DCDC2C: variants seen among roughly 807,000 people sequenced by gnomAD.
DCDC2C encodes doublecortin domain containing 2C, also known as doublecortin domain-containing protein 2C.
Under a neutral mutation model 45.0 loss-of-function variants are expected in DCDC2C, and 44 were observed. That is an observed-to-expected ratio of 0.98 (90% CI 0.77 to 1.26). The LOEUF (loss-of-function observed/expected upper bound fraction) is 1.26, where lower values mean the gene tolerates loss of function less well. Among genes scored for constraint, DCDC2C ranks in the 50% most tolerant of loss-of-function variants. The probability of loss-of-function intolerance (pLI) is 0.00; values close to 1 mark genes in which losing one functional copy is unlikely to be tolerated. For missense variants in DCDC2C, 447 were observed against 468.9 expected, an observed-to-expected ratio of 0.95 and a Z score of 0.43; for synonymous variants, 187 against 178.8, an observed-to-expected ratio of 1.05 and a Z score of -0.37.
chr2:3,708,999 G>A (rs1275755207), intron 2 of DCDC2C, among the ~76,000 whole-genome samples: 5 of 152,184 alleles, frequency 3.3e-5, no homozygotes, highest in Non-Finnish European at 5.9e-5. Flanking sequence ...ATTTTTGTAC[G>A]TGATAGACAT....
Position 3,806,271 on chromosome 2 carries a change from G to C in DCDC2C, c.1065+21171G>C, listed in dbSNP as rs566086447. 2.6e-5 allele frequency among the ~76,000 whole-genome samples: 4 copies of C among 152,350 alleles called. No homozygotes were observed. The East Asian group carries it at 5.8e-4, about 22-fold the overall frequency. On this transcript the variant is annotated intron_variant, in intron 10 of 10. Transcript: ENST00000399143. ...TTTTGTCTTGTTCTAAACGGCTCCAGCCTGCTGTGCTTTCTGCAGTGTTTT... is the reference window on the plus strand; with the variant it reads ...TTTTGTCTTGTTCTAAACGGCTCCACCCTGCTGTGCTTTCTGCAGTGTTTT...
intron 10 of DCDC2C, among the ~76,000 whole-genome samples, chr2:3,803,508 A>T (rs965014655): frequency 1.3e-5 from 2 of 152,164 alleles, no homozygotes; most frequent in African/African-American, 4.8e-5. Flanking sequence ...TCTGTTTCCA[A>T]ATGCTATTTC....
chr2:3,728,738 C>T (rs191224168), intron 3 of DCDC2C, among the ~76,000 whole-genome samples: 35 of 152,248 alleles, frequency 2.3e-4, no homozygotes, highest in Middle Eastern at 3.4e-3. Context: ...GTAGTTATGA[C>T]GGCTTTCAGA....
intron 10 of DCDC2C, among the ~76,000 whole-genome samples, chr2:3,821,161 T>A (rs1030826883): frequency 6.6e-6 from 1 of 152,110 alleles, no homozygotes; most frequent in Non-Finnish European, 1.5e-5. Flanking sequence ...GGTCACAAGG[T>A]GCTCAGTGGG....
chr2:3,837,880 A>T (rs1309327479), intron 10 of DCDC2C, among the ~76,000 whole-genome samples: 1 of 152,088 alleles, frequency 6.6e-6, no homozygotes, highest in Non-Finnish European at 1.5e-5. Flanking sequence ...AGGGCAGAGG[A>T]TGCGGACACA....
chr2:3,824,086 C>T (rs1022908255), intron 10 of DCDC2C, among the ~76,000 whole-genome samples: 22 of 152,322 alleles, frequency 1.4e-4, no homozygotes, highest in East Asian at 7.7e-4. Flanking sequence ...TGCTCACTCC[C>T]GGTCTGAAGT....
intron 10 of DCDC2C, chr2:3,844,761 T>G (rs1348513482): frequency 6.6e-6 from 1 of 152,188 alleles, no homozygotes; most frequent in Admixed American, 6.5e-5. Flanking sequence ...TCCCTAACTG[T>G]GCAAGTCTGG....
At chr2:3,777,362 T>C (rs1220320426) in intron 8 of DCDC2C, among the ~76,000 whole-genome samples, 1 of 152,238 alleles carries the variant, frequency 6.6e-6, no homozygotes, top group Non-Finnish European at 1.5e-5. Context: ...AATATCTGTC[T>C]TCCCTATAAG....
chr2:3,834,453 G>A (rs1385711202), intron 10 of DCDC2C, among the ~76,000 whole-genome samples: 1 of 152,208 alleles, frequency 6.6e-6, no homozygotes, highest in Non-Finnish European at 1.5e-5. Flanking sequence ...GAATCATACA[G>A]TGTGTACCTT....
At position 3,727,003 on chromosome 2, in the gene DCDC2C, A is replaced by G; in HGVS notation, c.340A>G (p.Ile114Val). 1 of 1,550,306 alleles carries G rather than the reference A, an allele frequency of 6.5e-7. No homozygotes were observed. Among genetic ancestry groups the G allele is most frequent in the Non-Finnish European group, 8.7e-7 (1 of 1,146,864 alleles). ...CCAGGTGTGTTTTTTCCTTTTTCAG[A>G]TCAAACCAGTGGTGCATTGTGATAT... ...KPAKIRKLKE[I>V]KPVVHCDINV... Residue 114 changes from isoleucine to valine, a missense_variant and splice_region_variant, in exon 3 of 11, where the codon ATC becomes GTC. By Grantham distance (29) the Ile-to-Val change is conservative (BLOSUM62 3). Coordinates refer to ENST00000399143, the MANE Select transcript of DCDC2C (RefSeq NM_001287444.2).
chr2:3,738,539 GGAAAAAAAAAA>G lies in DCDC2C; in HGVS notation c.417-3380_417-3370del, dbSNP rs1169857651. On this transcript the variant is annotated intron_variant, in intron 3 of 10. Transcript: ENST00000399143. ...TACATTTTTTCTGCTGGTCTATCTGGGAAAAAAAAAAAAAAAAAAAAAAAAAAAAAAGCCTC... is the reference window on the plus strand; with the variant it reads ...TACATTTTTTCTGCTGGTCTATCTGGAAAAAAAAAAAAAAAAAAAAGCCTC... Among the ~76,000 whole-genome samples, 7 of 55,256 alleles carry G rather than the reference GGAAAAAAAAAA, an allele frequency of 1.3e-4. No individual in the cohort carries two copies. In the South Asian group the frequency reaches 3.3e-3, roughly 26 times the overall value. 36.3% of individuals were successfully genotyped at this position (55,256 alleles called of 152,430 possible). A position where few individuals can be genotyped will look rare whatever the true frequency, so the allele number is the denominator to read the frequency against.
At chr2:3,774,369 C>T (rs938581727) in intron 8 of DCDC2C, among the ~76,000 whole-genome samples, 3 of 152,262 alleles carry the variant, frequency 2.0e-5, no homozygotes, top group Non-Finnish European at 4.4e-5. Flanking sequence ...AACAGAAGGA[C>T]TCGAGCCTTC....
At chr2:3,756,527 G>A (rs1383283537) in intron 6 of DCDC2C, among the ~76,000 whole-genome samples, 1 of 152,114 alleles carries the variant, frequency 6.6e-6, no homozygotes, top group African/African-American at 2.4e-5. Context: ...TTTCTCACCT[G>A]CGAGCCACTG....
chr2:3,845,238 C>T (rs1672300183), intron 10 of DCDC2C, among the ~76,000 whole-genome samples: 1 of 152,172 alleles, frequency 6.6e-6, no homozygotes. Context: ...CCGTGCTGGA[C>T]ACACAAAAGG....
At chr2:3,804,795 A>G (rs1400723984) in intron 10 of DCDC2C, among the ~76,000 whole-genome samples, 1 of 152,210 alleles carries the variant, frequency 6.6e-6, no homozygotes, top group Non-Finnish European at 1.5e-5. Context: ...TACAGTGAAC[A>G]CTTTACTGTG....
chr2:3,737,646 C>A (rs745584058), intron 3 of DCDC2C, among the ~76,000 whole-genome samples: 5 of 151,932 alleles, frequency 3.3e-5, no homozygotes, highest in Non-Finnish European at 7.4e-5. Context: ...AACCCCTTAC[C>A]CTCTCAGAGG....
chr2:3,747,805 C>G (rs1192615981), intron 4 of DCDC2C, among the ~76,000 whole-genome samples: 4 of 152,212 alleles, frequency 2.6e-5, no homozygotes, highest in Non-Finnish European at 5.9e-5. Flanking sequence ...CAGACACTGT[C>G]TAGTGGAGAG....
chr2:3,806,792 C>G (rs1044681119), intron 10 of DCDC2C, among the ~76,000 whole-genome samples: 1 of 152,078 alleles, frequency 6.6e-6, no homozygotes, highest in Non-Finnish European at 1.5e-5. Flanking sequence ...TGTGATCCGC[C>G]CACCTTGGCC....
intron 10 of DCDC2C, among the ~76,000 whole-genome samples, chr2:3,836,233 A>G (rs923008233): frequency 6.6e-6 from 1 of 152,192 alleles, no homozygotes; most frequent in African/African-American, 2.4e-5. Context: ...TCATAATTCC[A>G]GTCTGTTTAT....
Sources: allele counts gnomAD v4.1 joint callset (sites outside exome capture counted in the v4.1 genomes callset), GRCh38; gene constraint gnomAD v4.1.1; transcripts MANE v1.5; gene names NCBI Gene and HGNC (gene_info 2026-07-23, HGNC 2026-07-21).